MAGI2: variants seen among roughly 807,000 people sequenced by gnomAD.
The protein encoded by MAGI2 is membrane associated guanylate kinase, WW and PDZ domain containing 2, also known as membrane-associated guanylate kinase, WW and PDZ domain-containing protein 2.
Under a neutral mutation model 133.3 loss-of-function variants are expected in MAGI2, and 35 were observed. That is an observed-to-expected ratio of 0.26 (90% CI 0.20 to 0.35). MAGI2 has a LOEUF of 0.35. Among genes scored for constraint, MAGI2 ranks in the 10% least tolerant of loss-of-function variants. MAGI2 has a pLI of 1.00. For synonymous variants in MAGI2, 729 were observed against 710.6 expected (o/e 1.03, Z -0.41); for missense variants, 1,636 against 1,863.4 (o/e 0.88, Z 2.25).
At chr7:78,040,081 T>C (rs1810641026) in intron 21 of MAGI2, among the ~76,000 whole-genome samples, 1 of 151,806 alleles carries the variant, frequency 6.6e-6, no homozygotes, top group Admixed American at 6.6e-5. Flanking sequence ...CAGATGTCTG[T>C]TTGACTTGAA....
At chr7:78,892,065 A>G (rs923073451) in intron 2 of MAGI2, among the ~76,000 whole-genome samples, 11 of 152,222 alleles carry the variant, frequency 7.2e-5, no homozygotes, top group Admixed American at 6.5e-4. Context: ...AAAAATCACA[A>G]GCATTCTTAT....
chr7:78,718,665 A>G (rs1819959528), intron 2 of MAGI2, among the ~76,000 whole-genome samples: 1 of 151,880 alleles, frequency 6.6e-6, no homozygotes, highest in South Asian at 2.1e-4. Flanking sequence ...CCTTGATTCT[A>G]TGGTGCATTG....
chr7:79,369,372 A>T (rs997779606), intron 1 of MAGI2, among the ~76,000 whole-genome samples: 4 of 152,186 alleles, frequency 2.6e-5, no homozygotes, highest in African/African-American at 7.2e-5. Flanking sequence ...CACTCAACTT[A>T]GTCCTCTAAC....
intron 2 of MAGI2, among the ~76,000 whole-genome samples, chr7:78,864,357 T>C (rs1231316315): frequency 6.6e-6 from 1 of 152,234 alleles, no homozygotes; most frequent in Non-Finnish European, 1.5e-5. Context: ...AGAAATCATG[T>C]TTATAATTCA....
chr7:78,024,983 T>A (rs1808775012), intron 21 of MAGI2, among the ~76,000 whole-genome samples: 1 of 152,196 alleles, frequency 6.6e-6, no homozygotes, highest in Non-Finnish European at 1.5e-5. Context: ...ATAAATTAGA[T>A]CATGCCATTC....
chr7:78,884,088 A>C (rs1385794040), intron 2 of MAGI2, among the ~76,000 whole-genome samples: 3 of 152,216 alleles, frequency 2.0e-5, no homozygotes, highest in African/African-American at 7.2e-5. Context: ...ATGGGAGAAA[A>C]TATTTGCAAA....
At chr7:78,871,977 A>C (rs1795063241) in intron 2 of MAGI2, among the ~76,000 whole-genome samples, 1 of 151,976 alleles carries the variant, frequency 6.6e-6, no homozygotes, top group Non-Finnish European at 1.5e-5. Flanking sequence ...CTTAACATCA[A>C]CCACAAACAC....
intron 1 of MAGI2, among the ~76,000 whole-genome samples, chr7:79,028,641 A>G (rs1810265046): frequency 6.6e-6 from 1 of 152,068 alleles, no homozygotes. Flanking sequence ...TGCCTAATAT[A>G]ATTTTTATCT....
At chr7:78,289,065 G>C (rs1351548008) in intron 9 of MAGI2, among the ~76,000 whole-genome samples, 1 of 152,180 alleles carries the variant, frequency 6.6e-6, no homozygotes, top group Non-Finnish European at 1.5e-5. Context: ...AAGGAACGCA[G>C]CTCCTCACCA....
chr7:78,647,460 C>T (rs905571793), intron 2 of MAGI2, among the ~76,000 whole-genome samples: 12 of 151,980 alleles, frequency 7.9e-5, no homozygotes, highest in African/African-American at 1.9e-4. Flanking sequence ...ATCTCATGCC[C>T]GTTAGAATGG....
chr7:78,289,238 T>A (rs1796454026), intron 9 of MAGI2, among the ~76,000 whole-genome samples: 1 of 152,050 alleles, frequency 6.6e-6, no homozygotes, highest in African/African-American at 2.4e-5. Context: ...CTAACTAGAA[T>A]AAACAGCATA....
At chr7:78,328,663 G>A (rs798308) in intron 9 of MAGI2, among the ~76,000 whole-genome samples, 78,189 of 151,776 alleles carry the variant, frequency 0.52, 20,691 homozygotes, top group African/African-American at 0.58. Flanking sequence ...TTGCTACATT[G>A]CTTATCATTG....
At chr7:78,976,981 G>T (rs1386432906) in intron 2 of MAGI2, among the ~76,000 whole-genome samples, 1 of 151,640 alleles carries the variant, frequency 6.6e-6, no homozygotes, top group East Asian at 1.9e-4. Context: ...TGTGTTCATA[G>T]ATTAAAGGAC....
chr7:78,240,367 GT>G (rs1485239815), intron 10 of MAGI2, among the ~76,000 whole-genome samples: 1 of 152,134 alleles, frequency 6.6e-6, no homozygotes, highest in African/African-American at 2.4e-5. Context: ...GCACTCCCAT[GT>G]TTATTGAAGC....
intron 3 of MAGI2, among the ~76,000 whole-genome samples, chr7:78,626,707 G>A (rs973800301): frequency 1.3e-5 from 2 of 151,936 alleles, no homozygotes; most frequent in Non-Finnish European, 2.9e-5. Flanking sequence ...AAGCCACACA[G>A]GGATAATGAC....
intron 2 of MAGI2, among the ~76,000 whole-genome samples, chr7:78,697,571 A>C (rs1354908420): frequency 1.3e-5 from 2 of 152,142 alleles, no homozygotes; most frequent in African/African-American, 4.8e-5. Context: ...TCCACCTATT[A>C]TACTTAGCAT....
At chr7:79,193,738 C>G (rs1269205450) in intron 1 of MAGI2, among the ~76,000 whole-genome samples, 1 of 151,794 alleles carries the variant, frequency 6.6e-6, no homozygotes, top group Non-Finnish European at 1.5e-5. Context: ...CCCCCCACCA[C>G]TTTTTGTACA....
intron 2 of MAGI2, among the ~76,000 whole-genome samples, chr7:78,923,831 G>T (rs1312297065): frequency 1.3e-5 from 2 of 152,150 alleles, no homozygotes; most frequent in East Asian, 1.9e-4. Flanking sequence ...CATGACCATG[G>T]AATGTTCTTC....
chr7:79,171,744 AT>A (rs1282795770), intron 1 of MAGI2, among the ~76,000 whole-genome samples: 6 of 17,062 alleles, frequency 3.5e-4, no homozygotes, highest in African/African-American at 6.6e-4. Flanking sequence ...ATAGCCAAAA[AT>A]ATATATATAT....
Sources: allele counts gnomAD v4.1 joint callset (sites outside exome capture counted in the v4.1 genomes callset), GRCh38; gene constraint gnomAD v4.1.1; transcripts MANE v1.5; gene names NCBI Gene and HGNC (gene_info 2026-07-23, HGNC 2026-07-21).